Variants in FHOD3 observed in about 807,000 individuals in gnomAD.
FHOD3 encodes the protein FH1/FH2 domain-containing protein 3.
In FHOD3, 90 loss-of-function variants were observed where a neutral mutation model predicts 173.0. That is an observed-to-expected ratio of 0.52 (90% CI 0.44 to 0.62). The LOEUF (loss-of-function observed/expected upper bound fraction) is 0.62, where lower values mean the gene tolerates loss of function less well. Among genes scored for constraint, FHOD3 ranks in the 20% least tolerant of loss-of-function variants. FHOD3 has a pLI of 0.00. For missense variants in FHOD3, 1,945 were observed against 2,034.7 expected (o/e 0.96, Z 0.85); for synonymous variants, 828 against 823.0 (o/e 1.01, Z -0.10).
intron 1 of FHOD3, among the ~76,000 whole-genome samples, chr18:36,314,853 G>C (rs564148133): frequency 5.3e-5 from 8 of 152,168 alleles, no homozygotes; most frequent in African/African-American, 1.9e-4. Flanking sequence ...AGGCCTAAGT[G>C]GGGGAGATCT....
intron 5 of FHOD3, among the ~76,000 whole-genome samples, chr18:36,575,451 A>C (rs1355832006): frequency 6.6e-6 from 1 of 152,266 alleles, no homozygotes; most frequent in Admixed American, 6.5e-5. Flanking sequence ...TTTGTAATGC[A>C]TAAAAAAAGA....
intron 15 of FHOD3, 81 bp from the exon 16 acceptor site, chr18:36,687,047 T>G: frequency 9.4e-7 from 1 of 1,063,392 alleles, no homozygotes. Flanking sequence ...GATATACTGT[T>G]TATAATTTAT....
intron 3 of FHOD3, among the ~76,000 whole-genome samples, chr18:36,466,471 C>T (rs2052945844): frequency 6.6e-6 from 1 of 152,172 alleles, no homozygotes; most frequent in Non-Finnish European, 1.5e-5. Flanking sequence ...GCAGAAGTTA[C>T]AGGCAAAATC....
At chr18:36,738,212 A>G (rs2041736610) in intron 20 of FHOD3, among the ~76,000 whole-genome samples, 2 of 152,240 alleles carry the variant, frequency 1.3e-5, no homozygotes, top group Admixed American at 1.3e-4. Flanking sequence ...AATCTACTAC[A>G]ATTTATATAT....
At chr18:36,524,230 C>T (rs537258976) in intron 5 of FHOD3, among the ~76,000 whole-genome samples, 10 of 150,428 alleles carry the variant, frequency 6.6e-5, no homozygotes, top group East Asian at 5.9e-4. Context: ...TGCAGTGAAC[C>T]GAGACTGTGC....
At chr18:36,435,342 T>C (rs2050757210) in intron 3 of FHOD3, among the ~76,000 whole-genome samples, 1 of 152,120 alleles carries the variant, frequency 6.6e-6, no homozygotes, top group South Asian at 2.1e-4. Context: ...CATCTGTATG[T>C]AAATAGTATT....
In FHOD3 at chr18:36,679,387, G is replaced by A. The variant is rs1295288726; in HGVS notation, c.1836-2049G>A. Among the ~76,000 whole-genome samples, 6 of 151,500 alleles carry A rather than the reference G, an allele frequency of 4.0e-5. No individual in the cohort carries two copies. In the East Asian group the frequency reaches 7.7e-4, roughly 20 times the overall value. ...TGTTGATTTTTGTCTATACACCTTCGTTTTCCTATTTTATTAGTCTTTGCT... is the reference window on the plus strand; with the variant it reads ...TGTTGATTTTTGTCTATACACCTTCATTTTCCTATTTTATTAGTCTTTGCT... On this transcript the variant is annotated intron_variant, in intron 14 of 28. Coordinates refer to ENST00000590592, the MANE Select transcript of FHOD3 (RefSeq NM_001281740.3).
At chr18:36,386,084 G>A (rs1435245940) in intron 3 of FHOD3, among the ~76,000 whole-genome samples, 1 of 152,192 alleles carries the variant, frequency 6.6e-6, no homozygotes, top group East Asian at 1.9e-4. Context: ...AAATTAATAA[G>A]CTATTCAAAT....
chr18:36,413,318 A>G (rs1202573517), intron 3 of FHOD3, among the ~76,000 whole-genome samples: 2 of 152,176 alleles, frequency 1.3e-5, no homozygotes, highest in East Asian at 1.9e-4. Context: ...TCTCCAGAAC[A>G]TATACATGGA....
At chr18:36,375,621 A>G (rs1244000624) in intron 3 of FHOD3, among the ~76,000 whole-genome samples, 2 of 152,206 alleles carry the variant, frequency 1.3e-5, no homozygotes, top group Non-Finnish European at 2.9e-5. Flanking sequence ...CTCCAGTGTT[A>G]ACTTTGGAAT....
chr18:36,553,438 C>A (rs1184867774), intron 5 of FHOD3, among the ~76,000 whole-genome samples: 1 of 152,136 alleles, frequency 6.6e-6, no homozygotes, highest in East Asian at 1.9e-4. Context: ...GGCTGTGAAT[C>A]CATCTGGTCA....
At chr18:36,316,879 C>T (rs2044154411) in intron 1 of FHOD3, among the ~76,000 whole-genome samples, 1 of 152,110 alleles carries the variant, frequency 6.6e-6, no homozygotes, top group Non-Finnish European at 1.5e-5. Context: ...CACAGCCCCC[C>T]CACCCCCTGA....
At chr18:36,727,183 A>G (rs2041120367) in intron 19 of FHOD3, among the ~76,000 whole-genome samples, 1 of 152,200 alleles carries the variant, frequency 6.6e-6, no homozygotes, top group Non-Finnish European at 1.5e-5. Flanking sequence ...TCTTAGGACC[A>G]TGTGGAGGAC....
intron 8 of FHOD3, among the ~76,000 whole-genome samples, chr18:36,606,254 A>G (rs1266940284): frequency 2.0e-5 from 3 of 152,310 alleles, no homozygotes; most frequent in Non-Finnish European, 1.5e-5. Flanking sequence ...TTATAAAGAA[A>G]TCGATTTCTC....
intron 3 of FHOD3, among the ~76,000 whole-genome samples, chr18:36,388,983 T>TG (rs561657226): frequency 1.6e-3 from 237 of 151,988 alleles, no homozygotes; most frequent in African/African-American, 5.3e-3. Context: ...GTGAGCAGGA[T>TG]GGGGGGGCCC....
Position 36,380,563 on chromosome 18 carries a change from TTTTCTTTTCTTTTCTTTTCC to T in FHOD3, c.337+7824_337+7843del, listed in dbSNP as rs1296701976. Among the ~76,000 whole-genome samples the T allele has an allele frequency of 1.2e-4, 10 of 86,748 alleles. No individual in the cohort carries two copies. In the East Asian group the frequency reaches 3.5e-3, roughly 30 times the overall value. 56.9% of individuals were successfully genotyped at this position (86,748 alleles called of 152,430 possible). A position where few individuals can be genotyped will look rare whatever the true frequency, so the allele number is the denominator to read the frequency against. On this transcript the variant is annotated intron_variant, in intron 3 of 28. Transcript: ENST00000590592. ...TCTCTCTTTCTTTTGTTTTCTTTTC[TTTTCTTTTCTTTTCTTTTCC>T]TTTCCTTTCCTTTCCTTTCCTTTCC...
chr18:36,745,834 G>A (rs1308403149), intron 23 of FHOD3, among the ~76,000 whole-genome samples: 1 of 130,032 alleles, frequency 7.7e-6, no homozygotes, highest in African/African-American at 2.9e-5. Context: ...TGTACCTCCC[G>A]CTCATCCCCG....
chr18:36,672,446 T>C, intron 14 of FHOD3, among the ~76,000 whole-genome samples: 1 of 152,206 alleles, frequency 6.6e-6, no homozygotes, highest in East Asian at 1.9e-4. Context: ...ATCTAGCAAT[T>C]GTCTGGCTAT....
intron 24 of FHOD3, among the ~76,000 whole-genome samples, chr18:36,753,291 T>TG (rs1179789752): frequency 1.3e-5 from 2 of 152,186 alleles, no homozygotes; most frequent in Non-Finnish European, 2.9e-5. Context: ...ACATGGTGTC[T>TG]GGGGCTCTGA....
Sources: allele counts gnomAD v4.1 joint callset (sites outside exome capture counted in the v4.1 genomes callset), GRCh38; gene constraint gnomAD v4.1.1; transcripts MANE v1.5; gene names NCBI Gene and HGNC (gene_info 2026-07-23, HGNC 2026-07-21).